USP45: variants seen among roughly 807,000 people sequenced by gnomAD.
The protein encoded by USP45 is ubiquitin specific peptidase 45, also known as ubiquitin carboxyl-terminal hydrolase 45.
USP45 carries 89 observed loss-of-function variants against 95.8 expected under a neutral mutation model. The ratio of observed to expected loss-of-function variants is 0.93; its 90% CI spans 0.78 to 1.11. The LOEUF is 1.11. Ranked by LOEUF, USP45 falls within the 50% of genes least tolerant of loss-of-function variation. USP45 has a pLI of 0.00. For missense variants in USP45, 898 were observed against 942.5 expected (o/e 0.95, Z 0.62); for synonymous variants, 281 against 316.2 (o/e 0.89, Z 1.18).
chr6:99,448,921 T>C (rs902938322), intron 13 of USP45, among the ~76,000 whole-genome samples: 1 of 152,172 alleles, frequency 6.6e-6, no homozygotes, highest in African/African-American at 2.4e-5. Flanking sequence ...CCAGCCAAAC[T>C]AAGCTTCATA....
chr6:99,512,431 T>C (rs1800094715), intron 1 of USP45, among the ~76,000 whole-genome samples: 1 of 152,212 alleles, frequency 6.6e-6, no homozygotes, highest in Non-Finnish European at 1.5e-5. Flanking sequence ...CTCTATCCCT[T>C]ATATTTATTA....
intron 8 of USP45, among the ~76,000 whole-genome samples, chr6:99,480,956 A>G (rs1445884672): frequency 6.6e-6 from 1 of 152,174 alleles, no homozygotes; most frequent in African/African-American, 2.4e-5. Context: ...AAAACTTTTC[A>G]GCCAAGCATG....
At chr6:99,455,580 A>C (rs1313406906) in intron 13 of USP45, among the ~76,000 whole-genome samples, 1 of 152,046 alleles carries the variant, frequency 6.6e-6, no homozygotes, top group Non-Finnish European at 1.5e-5. Context: ...TTGCACCCCC[A>C]TGTTTACTGC....
At chr6:99,439,394 A>G (rs1433382842) in intron 16 of USP45, among the ~76,000 whole-genome samples, 1 of 152,220 alleles carries the variant, frequency 6.6e-6, no homozygotes, top group Admixed American at 6.5e-5. Flanking sequence ...TCACTTCTAC[A>G]CTGATTTGCA....
chr6:99,445,065 C>G (rs773567978), intron 14 of USP45, among the ~76,000 whole-genome samples: 1 of 152,164 alleles, frequency 6.6e-6, no homozygotes, highest in South Asian at 2.1e-4. Flanking sequence ...GTAATTATAG[C>G]GCTAGCTTTA....
chr6:99,482,904 CTA>C, intron 7 of USP45, 21 bp from the exon 8 acceptor site: 1 of 1,462,718 alleles, frequency 6.8e-7, no homozygotes, highest in Non-Finnish European at 9.1e-7. Flanking sequence ...ATGATCAACT[CTA>C]TGTCAGAAAT....
intron 4 of USP45, among the ~76,000 whole-genome samples, chr6:99,506,312 T>C (rs919844320): frequency 6.6e-6 from 1 of 152,112 alleles, no homozygotes; most frequent in African/African-American, 2.4e-5. Flanking sequence ...AATAAGAAAC[T>C]AGAAAATAAA....
At chr6:99,492,220 G>C (rs1424970668) in intron 5 of USP45, among the ~76,000 whole-genome samples, 1 of 152,196 alleles carries the variant, frequency 6.6e-6, no homozygotes, top group African/African-American at 2.4e-5. Context: ...TCAGCAGTAA[G>C]GGACGACAAA....
chr6:99,483,839 C>T (rs866060684), intron 7 of USP45, among the ~76,000 whole-genome samples: 8 of 58,608 alleles, frequency 1.4e-4, no homozygotes, highest in African/African-American at 2.0e-4. Flanking sequence ...AGCGAGACTC[C>T]GTCTCAAAAA....
At chr6:99,461,854 CTA>C (rs1347253179) in intron 13 of USP45, 2 of 983,540 alleles carry the variant, frequency 2.0e-6, no homozygotes, top group African/African-American at 3.5e-5. Flanking sequence ...AACAGCTTCA[CTA>C]ATCAGCAAAA....
intron 9 of USP45, among the ~76,000 whole-genome samples, chr6:99,474,209 T>G (rs1429104698): frequency 6.6e-6 from 1 of 152,170 alleles, no homozygotes; most frequent in Non-Finnish European, 1.5e-5. Flanking sequence ...GGATTTTTGT[T>G]GTTTTTTGAG....
intron 10 of USP45, among the ~76,000 whole-genome samples, 167 bp from the exon 11 acceptor site, chr6:99,466,930 A>C (rs1788124111): frequency 6.6e-6 from 1 of 152,324 alleles, no homozygotes; most frequent in East Asian, 1.9e-4. Flanking sequence ...TCTCCTTTAC[A>C]ATTTTGTAGC....
chr6:99,511,845 G>GTATATATATATATA (rs751350306), intron 1 of USP45, among the ~76,000 whole-genome samples: 15 of 22,784 alleles, frequency 6.6e-4, no homozygotes, highest in Non-Finnish European at 8.1e-4. Context: ...GTGAGTGTGT[G>GTATATATATATATA]TATATATATA....
intron 3 of USP45, among the ~76,000 whole-genome samples, chr6:99,508,266 AAGC>A (rs1798976875): frequency 6.6e-6 from 1 of 152,210 alleles, no homozygotes; most frequent in Non-Finnish European, 1.5e-5. Flanking sequence ...TACTTTGCAA[AAGC>A]AGCAGAATAA....
chr6:99,434,140 C>T lies in USP45; in HGVS notation c.*1576G>A, dbSNP rs760270552. On this transcript the variant is annotated 3_prime_UTR_variant, in exon 18 of 18. Transcript: ENST00000500704. ...AAGAAAAACACTACTAACATTTCAACATCTTAAAAATAGAATTTATGCAAT... is the reference window on the plus strand; with the variant it reads ...AAGAAAAACACTACTAACATTTCAATATCTTAAAAATAGAATTTATGCAAT... 4 of 152,308 alleles carry T rather than the reference C, an allele frequency of 2.6e-5. No homozygotes were observed. Among genetic ancestry groups the T allele is most frequent in the African/African-American group, 9.6e-5 (4 of 41,578 alleles). 9.4% of individuals were successfully genotyped at this position (152,308 alleles called of 1,614,324 possible).
intron 13 of USP45, 52 bp downstream of exon 13, chr6:99,464,552 T>C: frequency 1.9e-6 from 3 of 1,564,038 alleles, no homozygotes; most frequent in South Asian, 1.2e-5. Flanking sequence ...CTTGAAACTT[T>C]TGTTAATAAA....
At chr6:99,466,248 G>C (rs2128633458) in intron 11 of USP45, among the ~76,000 whole-genome samples, 1 of 152,238 alleles carries the variant, frequency 6.6e-6, no homozygotes, top group East Asian at 1.9e-4. Flanking sequence ...TTGAATTCCT[G>C]ACCTCAAGTG....
At chr6:99,453,184 A>AAG (rs1554229715) in intron 13 of USP45, among the ~76,000 whole-genome samples, 1 of 151,490 alleles carries the variant, frequency 6.6e-6, no homozygotes, top group Non-Finnish European at 1.5e-5. Context: ...AAAAAAAAAA[A>AAG]AACATAAAAG....
At chr6:99,502,828 G>C (rs1423556856) in intron 5 of USP45, among the ~76,000 whole-genome samples, 1 of 152,078 alleles carries the variant, frequency 6.6e-6, no homozygotes, top group Non-Finnish European at 1.5e-5. Context: ...CTACCTCCTC[G>C]TCTATCTTTT....
Sources: gnomAD v4.1 joint callset for allele counts (sites outside exome capture counted in the v4.1 genomes callset) on GRCh38, gnomAD v4.1.1 for gene constraint, MANE v1.5 for transcripts, NCBI Gene and HGNC (gene_info 2026-07-23, HGNC 2026-07-21) for gene names.